SMARCAL1: variants seen among roughly 807,000 people sequenced by gnomAD.
SMARCAL1 encodes SNF2 related chromatin remodeling annealing helicase 1, also known as ATP-driven annealing helicase.
In SMARCAL1, 58 loss-of-function variants were observed where a neutral mutation model predicts 94.5. The ratio of observed to expected loss-of-function variants is 0.61; its 90% CI spans 0.50 to 0.76. The LOEUF is 0.76. SMARCAL1 is among the 30% of genes least tolerant of loss of function. SMARCAL1 has a pLI of 0.00. For synonymous variants in SMARCAL1, 422 were observed against 455.1 expected (o/e 0.93, Z 0.93); for missense variants, 1,051 against 1,177.9 (o/e 0.89, Z 1.58).
chr2:216,454,413 G>T (rs758674996), intron 12 of SMARCAL1, among the ~76,000 whole-genome samples: 3 of 152,146 alleles, frequency 2.0e-5, no homozygotes, highest in Non-Finnish European at 2.9e-5. Flanking sequence ...GGTGCTTTAC[G>T]TGTATTGCGT....
intron 14 of SMARCAL1, 99 bp downstream of exon 14, chr2:216,468,145 T>G (rs558178932): frequency 1.3e-6 from 1 of 798,208 alleles, no homozygotes; most frequent in Non-Finnish European, 2.2e-6. Flanking sequence ...GACCGATGGC[T>G]TCCGGAAGCA....
At chr2:216,417,164 G>A (rs1390544527) in intron 4 of SMARCAL1, among the ~76,000 whole-genome samples, 2 of 152,234 alleles carry the variant, frequency 1.3e-5, no homozygotes, top group Non-Finnish European at 2.9e-5. Flanking sequence ...GGAGGCACCA[G>A]TACAGTTTCT....
At chr2:216,432,571 T>C (rs529485649) in intron 7 of SMARCAL1, 147 bp from the exon 8 acceptor site, 1 of 894,670 alleles carries the variant, frequency 1.1e-6, no homozygotes, top group African/African-American at 1.7e-5. Context: ...CTATGTACCT[T>C]TCCTTCTGGG....
Position 216,482,636 on chromosome 2 carries a change from T to C in SMARCAL1, c.2626-102T>C. On this transcript the variant is annotated intron_variant, in intron 17 of 17. Transcript: ENST00000357276. This position sits in a 1 kb window ranked among gnomAD's most constrained non-coding sequence, Gnocchi z 4.3. The stretch of plus-strand genomic sequence containing the variant: ...TAGCTCCCTGACACCATGAAATGTG[T>C]GGTCTCTCATCTTTATATTCTCTCA... The C allele has an allele frequency of 6.6e-7, 1 of 1,511,502 alleles. No individual in the cohort carries two copies. The highest frequency in any genetic ancestry group is 9.2e-7 in the Non-Finnish European group (1 of 1,089,046). The allele number at this position is 1,511,502 out of a possible 1,614,324, so 93.6% of individuals were successfully genotyped here. A position where few individuals can be genotyped will look rare whatever the true frequency, so the allele number is the denominator to read the frequency against.
At chr2:216,455,536 C>G (rs7575125) in intron 12 of SMARCAL1, among the ~76,000 whole-genome samples, 15,191 of 152,220 alleles carry the variant, frequency 0.1, 901 homozygotes, top group South Asian at 0.19. Context: ...AACATCTGCT[C>G]TTCAGCAATA....
At chr2:216,481,346 G>C (rs1160695811) in intron 17 of SMARCAL1, among the ~76,000 whole-genome samples, 1 of 151,370 alleles carries the variant, frequency 6.6e-6, no homozygotes, top group Non-Finnish European at 1.5e-5. Context: ...GGCGCATGCT[G>C]CCAACACCCG....
rs546592835 is a variant in SMARCAL1 at position 216,458,514 on chromosome 2, A to G, written c.2071-6083A>G. 3.5e-3 allele frequency among the ~76,000 whole-genome samples: 537 copies of G among 152,356 alleles called. 2 individuals are homozygous for G. Among genetic ancestry groups the G allele is most frequent in the African/African-American group, 0.012 (486 of 41,578 alleles). ...CAAGTGGGCTTCATCCCTGGGATGC[A>G]AGGCTGGTTCAACATACGCAAATCA... On this transcript the variant is annotated intron_variant, in intron 12 of 17. Coordinates refer to ENST00000357276, the MANE Select transcript of SMARCAL1 (RefSeq NM_014140.4).
At chr2:216,441,031 T>C (rs565100211) in intron 10 of SMARCAL1, among the ~76,000 whole-genome samples, 13 of 152,294 alleles carry the variant, frequency 8.5e-5, no homozygotes, top group African/African-American at 3.1e-4. Flanking sequence ...TGGGAAAAAG[T>C]AAAGTATGTC....
chr2:216,472,532 A>T (rs1694990125), intron 14 of SMARCAL1, among the ~76,000 whole-genome samples: 1 of 152,044 alleles, frequency 6.6e-6, no homozygotes, highest in Non-Finnish European at 1.5e-5. Context: ...TTACATTTTT[A>T]AAAATAAAGG....
chr2:216,456,843 A>C (rs1361859561), intron 12 of SMARCAL1, among the ~76,000 whole-genome samples: 2 of 152,234 alleles, frequency 1.3e-5, no homozygotes, highest in Non-Finnish European at 2.9e-5. Flanking sequence ...CACACATAAC[A>C]ATATTAACCT....
At chr2:216,419,120 T>A (rs904550958) in intron 4 of SMARCAL1, among the ~76,000 whole-genome samples, 4 of 152,248 alleles carry the variant, frequency 2.6e-5, no homozygotes, top group Non-Finnish European at 5.9e-5. Context: ...GTAGTTGGGA[T>A]AGATTCCCAG....
chr2:216,477,073 G>A, intron 15 of SMARCAL1, 36 bp from the exon 16 acceptor site: 4 of 1,519,170 alleles, frequency 2.6e-6, no homozygotes, highest in Non-Finnish European at 3.6e-6. Context: ...ACTGCTTCAG[G>A]CCTTTACCTG....
intron 17 of SMARCAL1, among the ~76,000 whole-genome samples, chr2:216,481,690 A>G (rs1352227568): frequency 2.0e-5 from 3 of 151,360 alleles, no homozygotes; most frequent in Admixed American, 6.6e-5. Context: ...TTTTTAGTAG[A>G]GATGGGGTTT....
chr2:216,428,816 T>C, intron 7 of SMARCAL1, 34 bp downstream of exon 7: 1 of 1,587,234 alleles, frequency 6.3e-7, no homozygotes, highest in Non-Finnish European at 8.6e-7. Context: ...CTTCCTCTGT[T>C]GCTCAAATTT....
At chr2:216,459,602 C>T (rs1345833217) in intron 12 of SMARCAL1, among the ~76,000 whole-genome samples, 1 of 151,956 alleles carries the variant, frequency 6.6e-6, no homozygotes, top group Non-Finnish European at 1.5e-5. Flanking sequence ...CCCTATTTAA[C>T]AAATGGTGCT....
At chr2:216,439,102 C>G (rs976491002) in intron 10 of SMARCAL1, among the ~76,000 whole-genome samples, 4 of 152,150 alleles carry the variant, frequency 2.6e-5, no homozygotes, top group South Asian at 2.1e-4. Flanking sequence ...GCAGCCATCC[C>G]CCTTCCTCCC....
intron 12 of SMARCAL1, among the ~76,000 whole-genome samples, chr2:216,460,338 A>T (rs2106067328): frequency 6.6e-6 from 1 of 152,344 alleles, no homozygotes; most frequent in South Asian, 2.1e-4. Context: ...ATTACTGGGT[A>T]TATACCCAAA....
intron 6 of SMARCAL1, among the ~76,000 whole-genome samples, chr2:216,428,323 C>A (rs1693884030): frequency 6.6e-6 from 1 of 151,918 alleles, no homozygotes; most frequent in South Asian, 2.1e-4. Context: ...GGTTTTTTCC[C>A]CTCTTTTTTG....
chr2:216,446,674 A>G (rs1375381746), intron 10 of SMARCAL1: 1 of 481,810 alleles, frequency 2.1e-6, no homozygotes, highest in Non-Finnish European at 4.1e-6. Context: ...TACGGTGAAC[A>G]TTTATTGGTT....
Sources: allele counts gnomAD v4.1 joint callset (sites outside exome capture counted in the v4.1 genomes callset), GRCh38; gene constraint gnomAD v4.1.1; non-coding constraint Gnocchi (gnomAD v3.1); transcripts MANE v1.5; gene names NCBI Gene and HGNC (gene_info 2026-07-23, HGNC 2026-07-21).